Variants in BACH2 observed in about 807,000 individuals in gnomAD.
The protein encoded by BACH2 is transcription regulator protein BACH2.
Under a neutral mutation model 61.8 loss-of-function variants are expected in BACH2, and 5 were observed. That is an observed-to-expected ratio of 0.08 (90% CI 0.04 to 0.17). The LOEUF (loss-of-function observed/expected upper bound fraction) is 0.17. Among genes scored for constraint, BACH2 ranks in the 10% least tolerant of loss-of-function variants. The pLI is 1.00. For synonymous variants in BACH2, 446 were observed against 440.1 expected (o/e 1.01, Z -0.17); for missense variants, 824 against 1,091.1 (o/e 0.76, Z 3.45).
rs544193702 is a variant in BACH2 at position 90,005,277 on chromosome 6, G to A, written c.243+3325C>T. Among the ~76,000 whole-genome samples, 107 of 152,226 alleles carry A rather than the reference G, an allele frequency of 7.0e-4. 2 individuals carry two copies. The South Asian group carries it at 0.013, about 18-fold the overall frequency. ...GGAACTCTCAGGCCTGGCTGTGCTG[G>A]CCCCCTTGAGGAGCACAGCGGTTGG... On this transcript the variant is annotated intron_variant, in intron 6 of 8. Transcript: ENST00000257749.
intron 6 of BACH2, among the ~76,000 whole-genome samples, chr6:89,985,134 A>G (rs1195675502): frequency 6.6e-6 from 1 of 152,174 alleles, no homozygotes; most frequent in African/African-American, 2.4e-5. Context: ...AAAGTGTTGG[A>G]GACACGAAGC....
intron 3 of BACH2, among the ~76,000 whole-genome samples, chr6:90,248,615 A>G (rs1333160906): frequency 6.6e-6 from 1 of 152,222 alleles, no homozygotes; most frequent in Non-Finnish European, 1.5e-5. Context: ...CGAGAGTTAG[A>G]AAAATGAAAA....
chr6:90,194,403 C>T (rs754165176), intron 4 of BACH2, among the ~76,000 whole-genome samples: 20 of 151,770 alleles, frequency 1.3e-4, no homozygotes, highest in Non-Finnish European at 2.4e-4. Context: ...TTCAAAATAC[C>T]TCAAAAGCCG....
chr6:90,052,681 A>C (rs1222738613), intron 5 of BACH2, among the ~76,000 whole-genome samples: 3 of 152,212 alleles, frequency 2.0e-5, no homozygotes, highest in Non-Finnish European at 2.9e-5. Context: ...TCAGTCTCCC[A>C]AAGTGCTGGG....
At chr6:90,006,669 G>A (rs769540815) in intron 6 of BACH2, among the ~76,000 whole-genome samples, 1 of 152,306 alleles carries the variant, frequency 6.6e-6, no homozygotes, top group Middle Eastern at 3.4e-3. Flanking sequence ...AGGCTGGAGT[G>A]CACTGGTGTG....
intron 6 of BACH2, among the ~76,000 whole-genome samples, chr6:89,958,406 G>A (rs1774543695): frequency 1.3e-5 from 2 of 152,158 alleles, no homozygotes; most frequent in African/African-American, 2.4e-5. Flanking sequence ...CACTTGGGCT[G>A]GTTACTTAAC....
chr6:90,032,843 A>C lies in BACH2; in HGVS notation c.-12-23987T>G, dbSNP rs1014736450. On this transcript the variant is annotated intron_variant, in intron 5 of 8. Transcript: ENST00000257749. The stretch of plus-strand genomic sequence containing the variant: ...AACTAGAAATACTATTTGACCCAGC[A>C]ATTCCATTACTGGGTATATACCCGA... Among the ~76,000 whole-genome samples the C allele has an allele frequency of 1.4e-4, 22 of 152,286 alleles. 1 individual carries two copies. The highest frequency in any genetic ancestry group is 5.1e-4 in the African/African-American group (21 of 41,560).
At chr6:90,126,559 C>T (rs891046627) in intron 4 of BACH2, among the ~76,000 whole-genome samples, 4 of 152,124 alleles carry the variant, frequency 2.6e-5, no homozygotes, top group African/African-American at 9.7e-5. Flanking sequence ...GAAGTGTCAA[C>T]CCTAGTGAAG....
intron 4 of BACH2, among the ~76,000 whole-genome samples, chr6:90,176,414 AG>A (rs1767985810): frequency 6.6e-6 from 1 of 152,148 alleles, no homozygotes; most frequent in Non-Finnish European, 1.5e-5. Flanking sequence ...CACACTGGGA[AG>A]GGGCAGCTCT....
At chr6:90,190,106 TCTAA>T (rs1372938953) in intron 4 of BACH2, among the ~76,000 whole-genome samples, 1 of 151,978 alleles carries the variant, frequency 6.6e-6, no homozygotes, top group Non-Finnish European at 1.5e-5. Flanking sequence ...ACCACACTCG[TCTAA>T]CTTTTTGTAT....
rs1771456181 is a variant in BACH2, at chr6:90,269,616, ATGT to A, written c.-353+2230_-353+2232del. On this transcript the variant is annotated intron_variant, in intron 2 of 8. Coordinates refer to ENST00000257749, the MANE Select transcript of BACH2 (RefSeq NM_021813.4). ...GCATCAAAAGACAGGGCACATTTTG[ATGT>A]TTTGAGAATTTCTGAGAAGTCAGAG... Among the ~76,000 whole-genome samples, 9 of 152,256 alleles carry A rather than the reference ATGT, an allele frequency of 5.9e-5. No homozygotes were observed. The South Asian group carries it at 1.7e-3, about 28-fold the overall frequency.
chr6:90,200,179 A>G (rs1235496629), intron 4 of BACH2, among the ~76,000 whole-genome samples: 1 of 152,150 alleles, frequency 6.6e-6, no homozygotes, highest in Non-Finnish European at 1.5e-5. Context: ...GAAACAGGTA[A>G]ATTGTATCTT....
intron 5 of BACH2, among the ~76,000 whole-genome samples, chr6:90,074,302 T>C (rs539390051): frequency 3.3e-5 from 5 of 152,346 alleles, no homozygotes; most frequent in South Asian, 2.1e-4. Context: ...AATGACTTTA[T>C]TGTTCATTTG....
At chr6:89,948,837 A>G (rs1255538884) in intron 7 of BACH2, among the ~76,000 whole-genome samples, 1 of 152,166 alleles carries the variant, frequency 6.6e-6, no homozygotes, top group Non-Finnish European at 1.5e-5. Context: ...GAGGTGGTAT[A>G]TTCGCATGGG....
chr6:90,217,320 T>G (rs1490392497), intron 3 of BACH2, among the ~76,000 whole-genome samples: 1 of 152,162 alleles, frequency 6.6e-6, no homozygotes, highest in Non-Finnish European at 1.5e-5. Flanking sequence ...CTAAATAACC[T>G]AAGAATATCT....
intron 5 of BACH2, among the ~76,000 whole-genome samples, chr6:90,080,930 C>T (rs1419166187): frequency 6.6e-6 from 1 of 152,128 alleles, no homozygotes; most frequent in Non-Finnish European, 1.5e-5. Flanking sequence ...GAACTTCTGA[C>T]TTGTGTTGTA....
chr6:90,204,996 A>AT (rs936992069), intron 4 of BACH2, among the ~76,000 whole-genome samples: 1 of 152,176 alleles, frequency 6.6e-6, no homozygotes, highest in Non-Finnish European at 1.5e-5. Context: ...TTCAGATAGG[A>AT]TAAAGCGGCC....
intron 3 of BACH2, among the ~76,000 whole-genome samples, chr6:90,225,415 T>C (rs1769880325): frequency 6.6e-6 from 1 of 152,030 alleles, no homozygotes; most frequent in Non-Finnish European, 1.5e-5. Context: ...AAATTCCCTA[T>C]CTTTGTGAAA....
At chr6:90,190,957 A>G (rs955324614) in intron 4 of BACH2, among the ~76,000 whole-genome samples, 1 of 152,224 alleles carries the variant, frequency 6.6e-6, no homozygotes, top group Non-Finnish European at 1.5e-5. Context: ...AATGATGCAG[A>G]TAGCAACTCT....
Sources: gnomAD v4.1 joint callset for allele counts (sites outside exome capture counted in the v4.1 genomes callset) on GRCh38, gnomAD v4.1.1 for gene constraint, MANE v1.5 for transcripts, NCBI Gene and HGNC (gene_info 2026-07-23, HGNC 2026-07-21) for gene names.